Variants in GRPR observed in about 807,000 individuals in gnomAD.
The protein encoded by GRPR is gastrin-releasing peptide receptor.
A neutral mutation model predicts 15.6 loss-of-function variants in GRPR; 4 were observed. The ratio of observed to expected loss-of-function variants is 0.26; its 90% confidence interval spans 0.13 to 0.59. GRPR has a LOEUF of 0.59. GRPR is among the 20% of genes least tolerant of loss of function. The probability of loss-of-function intolerance (pLI) is 0.90; values close to 1 mark genes in which losing one functional copy is unlikely to be tolerated. For missense variants in GRPR, 270 were observed against 304.1 expected (o/e 0.89, Z 0.83); for synonymous variants, 128 against 126.8 (o/e 1.01, Z -0.06).
intron 1 of GRPR, among the ~76,000 whole-genome samples, chrX:16,128,141 A>G (rs955686008): frequency 8.9e-6 from 1 of 112,636 alleles, no homozygotes; most frequent in Non-Finnish European, 1.9e-5. Context: ...AATTAAAATT[A>G]CGTTTAGTTA....
At chrX:16,147,457 T>G (rs1922624744) in intron 1 of GRPR, among the ~76,000 whole-genome samples, 1 of 111,879 alleles carries the variant, frequency 8.9e-6, no homozygotes, top group Non-Finnish European at 1.9e-5. Context: ...TTCTCTCATT[T>G]TCTATGCCAT....
In GRPR at chrX:16,152,336, C is replaced by A; in HGVS notation, c.846C>A (p.Val282=). ...LFAFCWLPNH[V]IYLYRSYHYS... ...CCTTCTGCTGGCTCCCCAATCATGT[C>A]ATCTACCTGTACCGCTCCTACCACT... is the stretch of plus-strand genomic sequence containing the variant. The change falls in exon 3 of 3, where the codon GTC becomes GTA. Residue 282 remains valine, a synonymous_variant. Coordinates refer to ENST00000380289, the MANE Select transcript of GRPR (RefSeq NM_005314.3). The A allele has an allele frequency of 2.5e-6, 3 of 1,207,622 alleles. No individual in the cohort carries two copies. The highest frequency in any genetic ancestry group is 3.4e-6 in the Non-Finnish European group (3 of 891,734).
chrX:16,152,400 A>T lies in GRPR; in HGVS notation c.910A>T (p.Ser304Cys). The T allele has an allele frequency of 1.7e-6, 2 of 1,211,266 alleles. No individual in the cohort carries two copies. The highest frequency in any genetic ancestry group is 3.5e-5 in the South Asian group (2 of 56,958). The change falls in exon 3 of 3, where the codon AGC becomes TGC. Residue 304 changes from serine to cysteine, a missense_variant. By Grantham distance (112) the Ser-to-Cys change is moderately radical. Transcript: ENST00000380289. The stretch of plus-strand genomic sequence containing the variant: ...CACCTCCATGCTCCACTTTGTCACC[A>T]GCATCTGTGCCCGCCTCCTGGCCTT... Reference protein sequence around the residue: ...VDTSMLHFVTSICARLLAFTN... With the variant: ...VDTSMLHFVTCICARLLAFTN...
At chrX:16,139,713 T>C (rs150550680) in intron 1 of GRPR, among the ~76,000 whole-genome samples, 52 of 112,155 alleles carry the variant, frequency 4.6e-4, no homozygotes, top group Non-Finnish European at 7.5e-4. Context: ...GTTTAAAGTA[T>C]GGACTCAGAC....
chrX:16,142,841 G>A (rs1195529616), intron 1 of GRPR, among the ~76,000 whole-genome samples: 3 of 109,910 alleles, frequency 2.7e-5, no homozygotes, highest in African/African-American at 1.0e-4. Context: ...TGTCTGCAGG[G>A]AACTGGCCCA....
In GRPR at chrX:16,127,192, C is replaced by T. The variant is rs747663359; in HGVS notation, c.413+2826C>T. Among the ~76,000 whole-genome samples the T allele has an allele frequency of 1.3e-4, 15 of 111,642 alleles. No individual in the cohort carries two copies. The South Asian group carries it at 5.7e-3, about 43-fold the overall frequency. On this transcript the variant is annotated intron_variant, in intron 1 of 2. Transcript: ENST00000380289. ...GAGTGGGGCACATAGTGATAACCAT[C>T]CATCCCTGCCCCCTATACATTGCCC...
At position 16,126,352 on chromosome X, in the gene GRPR, C is replaced by CT. The variant is rs1280957420; in HGVS notation, c.413+1993dup. ...ATTGAGCTAAATGATTAAGACTGTA[C>CT]TTTTTTTCTATTCATCTCATTTTTG... On this transcript the variant is annotated intron_variant, in intron 1 of 2. Coordinates refer to ENST00000380289, the MANE Select transcript of GRPR (RefSeq NM_005314.3). Among the ~76,000 whole-genome samples the CT allele has an allele frequency of 2.7e-5, 3 of 111,981 alleles. No homozygotes were observed. In the Admixed American group the frequency reaches 2.8e-4, roughly 11 times the overall value.
At chrX:16,142,803 G>A (rs1279388577) in intron 1 of GRPR, among the ~76,000 whole-genome samples, 8 of 109,897 alleles carry the variant, frequency 7.3e-5, no homozygotes, top group Non-Finnish European at 1.9e-5. Flanking sequence ...TTGGGCATCC[G>A]AGTAGACTGA....
chrX:16,139,055 G>C (rs2147033574), intron 1 of GRPR, among the ~76,000 whole-genome samples: 1 of 112,492 alleles, frequency 8.9e-6, no homozygotes, highest in African/African-American at 3.2e-5. Context: ...CCAGTTGTCA[G>C]CTATGTGACT....
rs148405717 is a variant in GRPR, at chrX:16,125,423, A to G, written c.413+1057A>G. Among the ~76,000 whole-genome samples the G allele has an allele frequency of 7.3e-3, 824 of 112,471 alleles. 11 individuals are homozygous for G. Among genetic ancestry groups the G allele is most frequent in the African/African-American group, 0.026 (793 of 30,946 alleles). The stretch of plus-strand genomic sequence containing the variant: ...AACCTAGACTATAAATTTTTCACTT[A>G]TAATCAACTGTATGTTATGTGTTAA... On this transcript the variant is annotated intron_variant, in intron 1 of 2. Coordinates refer to ENST00000380289, the MANE Select transcript of GRPR (RefSeq NM_005314.3).
At chrX:16,148,222 A>G (rs1922636084) in intron 1 of GRPR, among the ~76,000 whole-genome samples, 1 of 111,750 alleles carries the variant, frequency 8.9e-6, no homozygotes, top group East Asian at 2.8e-4. Context: ...ACTATGATAA[A>G]AATAGTTGCA....
intron 1 of GRPR, among the ~76,000 whole-genome samples, chrX:16,132,370 G>C (rs757407628): frequency 1.8e-5 from 2 of 111,765 alleles, no homozygotes; most frequent in South Asian, 3.7e-4. Context: ...GAGAGAAGTG[G>C]ATATTTTAAA....
chrX:16,147,677 T>G (rs1335299000), intron 1 of GRPR, among the ~76,000 whole-genome samples: 2 of 112,109 alleles, frequency 1.8e-5, no homozygotes, highest in Non-Finnish European at 3.8e-5. Flanking sequence ...TTTTATATTT[T>G]AAAAGTTGTG....
intron 1 of GRPR, among the ~76,000 whole-genome samples, chrX:16,149,826 TAAC>T (rs774496515): frequency 2.5e-4 from 28 of 111,176 alleles, no homozygotes; most frequent in Non-Finnish European, 4.9e-4. Flanking sequence ...CTATAGTTAA[TAAC>T]AATGTATTGC....
At chrX:16,129,844 C>A (rs1417297043) in intron 1 of GRPR, among the ~76,000 whole-genome samples, 8 of 111,477 alleles carry the variant, frequency 7.2e-5, no homozygotes, top group South Asian at 3.8e-4. Context: ...CCTCTTCCAG[C>A]TGCCAGTCTC....
chrX:16,133,464 T>G (rs192344324), intron 1 of GRPR, among the ~76,000 whole-genome samples: 1 of 111,990 alleles, frequency 8.9e-6, no homozygotes, highest in East Asian at 2.8e-4. Context: ...ATTCCGTTTA[T>G]TTACCTTTCC....
In GRPR at chrX:16,142,661, T is replaced by C. The variant is rs758499452; in HGVS notation, c.414-7644T>C. Among the ~76,000 whole-genome samples the C allele has an allele frequency of 3.6e-5, 4 of 111,476 alleles. No individual in the cohort carries two copies. The South Asian group carries it at 1.5e-3, about 42-fold the overall frequency. On this transcript the variant is annotated intron_variant, in intron 1 of 2. Coordinates refer to ENST00000380289, the MANE Select transcript of GRPR (RefSeq NM_005314.3). ...TACATTAACATACATACAATGTAGG[T>C]GTATGTTCAATTTGTTATTACTTTC...
At chrX:16,130,840 C>T (rs1922365927) in intron 1 of GRPR, among the ~76,000 whole-genome samples, 1 of 112,541 alleles carries the variant, frequency 8.9e-6, no homozygotes, top group Non-Finnish European at 1.9e-5. Context: ...ACACATGCTG[C>T]CCCTCTCTGG....
chrX:16,146,223 T>C (rs1356581767), intron 1 of GRPR, among the ~76,000 whole-genome samples: 1 of 111,907 alleles, frequency 8.9e-6, no homozygotes, highest in African/African-American at 3.2e-5. Context: ...TCACATCTAA[T>C]TGTTTTAGAT....
Sources: gnomAD v4.1 joint callset for allele counts (sites outside exome capture counted in the v4.1 genomes callset) on GRCh38, gnomAD v4.1.1 for gene constraint, MANE v1.5 for transcripts, NCBI Gene and HGNC (gene_info 2026-07-23, HGNC 2026-07-21) for gene names.